PREX2: variants seen among roughly 807,000 people sequenced by gnomAD.
The protein encoded by PREX2 is phosphatidylinositol-3,4,5-trisphosphate dependent Rac exchange factor 2, also known as phosphatidylinositol 3,4,5-trisphosphate-dependent Rac exchanger 2 protein.
In PREX2, 107 loss-of-function variants were observed where a neutral mutation model predicts 203.2. The ratio of observed to expected loss-of-function variants is 0.53; its 90% CI spans 0.45 to 0.62. PREX2 has a LOEUF of 0.62. PREX2 is among the 20% of genes least tolerant of loss of function. The pLI is 0.00. For missense variants in PREX2, 1,777 were observed against 1,955.9 expected, an observed-to-expected ratio of 0.91 and a Z score of 1.72; for synonymous variants, 672 against 663.6, an observed-to-expected ratio of 1.01 and a Z score of -0.19.
At chr8:68,074,672 T>TTTTG (rs56229836) in intron 14 of PREX2, among the ~76,000 whole-genome samples, 80,120 of 151,118 alleles carry the variant, frequency 0.53, 21,240 homozygotes, top group South Asian at 0.55. Context: ...AAGAAGAGGT[T>TTTTG]TTTGTTTGTT....
rs763106230 is a variant in PREX2 at position 68,146,266 on chromosome 8, A to G, written c.4145A>G (p.Tyr1382Cys). The G allele has an allele frequency of 5.0e-6, 8 of 1,612,088 alleles. No individual in the cohort carries two copies. In the Admixed American group the frequency reaches 5.0e-5, roughly 10 times the overall value. ...GSRQALKVYF[Y>C]IDSYHFEQLP... ...CGGCAAGCTCTGAAAGTTTACTTCT[A>G]CATTGATAGTTATCATTTTGAACAA... The change falls in exon 34 of 40, where the codon TAC (tyrosine) becomes TGC (cysteine). Residue 1382 changes from tyrosine to cysteine, a missense_variant. By Grantham distance (194) the Tyr-to-Cys change is radical. Transcript: ENST00000288368.
chr8:68,088,951 T>C (rs1809782840), intron 19 of PREX2, among the ~76,000 whole-genome samples: 1 of 152,228 alleles, frequency 6.6e-6, no homozygotes, highest in Non-Finnish European at 1.5e-5. Flanking sequence ...GTCTGGTTTC[T>C]GTGCTTTTTG....
chr8:68,149,296 G>T (rs1018627737), intron 34 of PREX2, among the ~76,000 whole-genome samples: 1 of 152,168 alleles, frequency 6.6e-6, no homozygotes, highest in African/African-American at 2.4e-5. Context: ...GAATTTCAGG[G>T]TTGGAAGTGA....
At chr8:68,019,494 G>A in intron 2 of PREX2, 55 bp from the exon 3 acceptor site, 1 of 1,468,246 alleles carries the variant, frequency 6.8e-7, no homozygotes, top group Middle Eastern at 1.8e-4. Flanking sequence ...TGCTATCATA[G>A]ACTTAAAAAA....
chr8:67,982,355 G>A (rs542964092), intron 1 of PREX2, among the ~76,000 whole-genome samples: 2 of 152,246 alleles, frequency 1.3e-5, no homozygotes, highest in South Asian at 2.1e-4. Flanking sequence ...CCAGGAGGTT[G>A]AGACTGCAGT....
intron 1 of PREX2, among the ~76,000 whole-genome samples, chr8:68,009,803 G>A (rs1244092604): frequency 6.6e-6 from 1 of 152,102 alleles, no homozygotes; most frequent in Non-Finnish European, 1.5e-5. Flanking sequence ...TTGTTTAAGT[G>A]TTCCATTGGT....
chr8:68,055,720 A>G (rs1808656800), intron 9 of PREX2, 110 bp from the exon 10 acceptor site: 2 of 1,007,244 alleles, frequency 2.0e-6, no homozygotes, highest in African/African-American at 1.6e-5. Flanking sequence ...TGTATCCACA[A>G]CCCCCAGCAC....
In PREX2 at chr8:67,976,706, C is replaced by G. The variant is rs368937179; in HGVS notation, c.141+24171C>G. ...CAGGAGAGAGACAGAGAGAGAGAGACGGGAGAGAGACAGAGAGAGAGACAG... is the reference window on the plus strand; with the variant it reads ...CAGGAGAGAGACAGAGAGAGAGAGAGGGGAGAGAGACAGAGAGAGAGACAG... On this transcript the variant is annotated intron_variant, in intron 1 of 39. Transcript: ENST00000288368. Among the ~76,000 whole-genome samples, 87 of 67,850 alleles carry G rather than the reference C, an allele frequency of 1.3e-3. 2 individuals carry two copies. The highest frequency in any genetic ancestry group is 3.2e-3 in the East Asian group (5 of 1,558). The allele number at this position is 67,850 out of a possible 152,430, so 44.5% of individuals were successfully genotyped here.
intron 39 of PREX2, among the ~76,000 whole-genome samples, chr8:68,229,079 G>A (rs1323422304): frequency 6.6e-6 from 1 of 151,676 alleles, no homozygotes; most frequent in Non-Finnish European, 1.5e-5. Context: ...GAGTATGATT[G>A]ATGCTTTAAC....
At chr8:68,184,779 G>C (rs898826930) in intron 35 of PREX2, among the ~76,000 whole-genome samples, 1 of 152,098 alleles carries the variant, frequency 6.6e-6, no homozygotes, top group Non-Finnish European at 1.5e-5. Context: ...CAGATGAGAA[G>C]AATGCCATTT....
At chr8:68,100,750 T>C (rs917941729) in intron 23 of PREX2, among the ~76,000 whole-genome samples, 1 of 152,158 alleles carries the variant, frequency 6.6e-6, no homozygotes, top group African/African-American at 2.4e-5. Flanking sequence ...TTTATTCTTA[T>C]ATTAATGAAA....
chr8:68,118,971 G>A (rs1585808936), intron 27 of PREX2: 1 of 480,614 alleles, frequency 2.1e-6, no homozygotes, highest in Non-Finnish European at 4.1e-6. Context: ...ATGGGGATGG[G>A]CAGGTGTGGA....
chr8:67,965,464 T>A (rs1805740065), intron 1 of PREX2, among the ~76,000 whole-genome samples: 2 of 151,944 alleles, frequency 1.3e-5, no homozygotes, highest in Non-Finnish European at 2.9e-5. Context: ...TTAGTTTGTA[T>A]AATTAACATA....
At chr8:68,016,209 G>A (rs548941585) in intron 1 of PREX2, among the ~76,000 whole-genome samples, 8 of 152,090 alleles carry the variant, frequency 5.3e-5, no homozygotes, top group East Asian at 1.9e-4. Flanking sequence ...TACCCATTGC[G>A]TTTTGGTAAA....
In PREX2 at chr8:68,106,513, C is replaced by T. The variant is rs187706159; in HGVS notation, c.2716-1596C>T. Among the ~76,000 whole-genome samples, 24 of 152,122 alleles carry T rather than the reference C, an allele frequency of 1.6e-4. No homozygotes were observed. The East Asian group carries it at 3.9e-3, about 25-fold the overall frequency. On this transcript the variant is annotated intron_variant, in intron 23 of 39. Transcript: ENST00000288368. ...CAGTTCCATTTAGATTCCTACTGTGCGCTGGCACATGGCTGAACTACATAG... is the reference window on the plus strand; with the variant it reads ...CAGTTCCATTTAGATTCCTACTGTGTGCTGGCACATGGCTGAACTACATAG...
At chr8:67,958,065 A>G (rs777544106) in intron 1 of PREX2, among the ~76,000 whole-genome samples, 31 of 152,156 alleles carry the variant, frequency 2.0e-4, no homozygotes, top group Non-Finnish European at 2.6e-4. Context: ...GAGAAACCAA[A>G]CCTACTGACA....
At chr8:67,966,973 C>T (rs971439464) in intron 1 of PREX2, among the ~76,000 whole-genome samples, 1 of 152,156 alleles carries the variant, frequency 6.6e-6, no homozygotes, top group African/African-American at 2.4e-5. Flanking sequence ...GATGTATTAG[C>T]TAGTCTAAGT....
chr8:67,980,523 C>A (rs1806237037), intron 1 of PREX2, among the ~76,000 whole-genome samples: 1 of 152,200 alleles, frequency 6.6e-6, no homozygotes, highest in Non-Finnish European at 1.5e-5. Context: ...AGAGAAGCTA[C>A]AGTTTAAGTG....
At chr8:68,057,822 AC>A (rs1456200855) in intron 10 of PREX2, among the ~76,000 whole-genome samples, 4 of 152,282 alleles carry the variant, frequency 2.6e-5, no homozygotes, top group African/African-American at 9.6e-5. Context: ...AGCAGTTGAC[AC>A]CCTGCCTTCT....
Sources: allele counts gnomAD v4.1 joint callset (sites outside exome capture counted in the v4.1 genomes callset), GRCh38; gene constraint gnomAD v4.1.1; transcripts MANE v1.5; gene names NCBI Gene and HGNC (gene_info 2026-07-23, HGNC 2026-07-21).